The following SQSTM1 variants were observed in gnomAD, a reference collection of about 807,000 sequenced individuals.
SQSTM1 encodes the protein sequestosome 1.
In SQSTM1, 36 loss-of-function variants were observed where a neutral mutation model predicts 45.1. The ratio of observed to expected loss-of-function variants is 0.80; its 90% CI spans 0.61 to 1.05. The LOEUF (loss-of-function observed/expected upper bound fraction) is 1.05, where lower values mean the gene tolerates loss of function less well. Among genes scored for constraint, SQSTM1 ranks in the 50% least tolerant of loss-of-function variants. The probability of loss-of-function intolerance (pLI) is 0.00; values close to 1 mark genes in which losing one functional copy is unlikely to be tolerated. For missense variants in SQSTM1, 617 were observed against 607.1 expected (o/e 1.02, Z -0.17); for synonymous variants, 290 against 244.3 (o/e 1.19, Z -1.74).
rs1060271 is a variant in SQSTM1 at position 179,837,132 on chromosome 5, T to G, written c.*539T>G. 39,860 of 1,229,780 alleles carry G rather than the reference T, an allele frequency of 0.032. 838 individuals carry two copies. Among genetic ancestry groups the G allele is most frequent in the African/African-American group, 0.082 (5,470 of 67,084 alleles). 76.2% of individuals were successfully genotyped at this position (1,229,780 alleles called of 1,614,324 possible). ...GGTTTCACTGAGAGCTGCCTCCTGGTCTCTTCACCACTGTAGTTCTCTCAT... is the reference window on the plus strand; with the variant it reads ...GGTTTCACTGAGAGCTGCCTCCTGGGCTCTTCACCACTGTAGTTCTCTCAT... On this transcript the variant is annotated 3_prime_UTR_variant, in exon 8 of 8. Coordinates refer to ENST00000389805, the MANE Select transcript of SQSTM1 (RefSeq NM_003900.5).
chr5:179,836,344 T>C (rs1479992469), intron 7 of SQSTM1, 92 bp from the exon 8 acceptor site: 1 of 1,573,770 alleles, frequency 6.4e-7, no homozygotes, highest in Non-Finnish European at 8.7e-7. Context: ...TGGCAGACCC[T>C]GGTCCTGGCT....
At chr5:179,809,963 T>C (rs922027315) in intron 1 of SQSTM1, among the ~76,000 whole-genome samples, 1 of 151,946 alleles carries the variant, frequency 6.6e-6, no homozygotes, top group African/African-American at 2.4e-5. Flanking sequence ...TTTGTATTTT[T>C]AGTAGAGATG....
upstream of SQSTM1, among the ~76,000 whole-genome samples, chr5:179,815,708 G>A (rs913575477): frequency 4.6e-5 from 7 of 152,170 alleles, no homozygotes; most frequent in South Asian, 8.3e-4. Flanking sequence ...GGTTGGCCAA[G>A]CTTTGGCCAT....
intron 7 of SQSTM1, chr5:179,835,055 G>A (rs556167770): frequency 6.6e-5 from 14 of 213,302 alleles, no homozygotes; most frequent in East Asian, 3.5e-4. Context: ...CAGACGGGGC[G>A]GCCGGGCAGA....
At chr5:179,826,869 C>G (rs943314591) in intron 5 of SQSTM1, among the ~76,000 whole-genome samples, 2 of 152,080 alleles carry the variant, frequency 1.3e-5, no homozygotes, top group African/African-American at 2.4e-5. Flanking sequence ...GTGTGAGCCA[C>G]CGAGCCCGGC....
At chr5:179,809,367 C>G (rs1422239776) in intron 1 of SQSTM1, among the ~76,000 whole-genome samples, 2 of 102,914 alleles carry the variant, frequency 1.9e-5, no homozygotes, top group Non-Finnish European at 3.6e-5. Context: ...GACAGAGTCT[C>G]GCTATGTCGC....
At chr5:179,832,898 C>CCAGA in intron 5 of SQSTM1, 134 bp from the exon 6 acceptor site, 2 of 901,854 alleles carry the variant, frequency 2.2e-6, no homozygotes. Flanking sequence ...GTGCCACCAT[C>CCAGA]CAGACACTTA....
intron 5 of SQSTM1, 141 bp from the exon 6 acceptor site, chr5:179,832,891 C>A: frequency 1.2e-6 from 1 of 839,184 alleles, no homozygotes; most frequent in Non-Finnish European, 2.0e-6. Flanking sequence ...ACGCTGAGTG[C>A]CACCATCCAG....
chr5:179,817,489 G>A (rs942854482), upstream of SQSTM1, among the ~76,000 whole-genome samples: 3 of 152,226 alleles, frequency 2.0e-5, no homozygotes, highest in African/African-American at 7.2e-5. Flanking sequence ...GGAGAAATTC[G>A]CCCAGCCCAG....
intron 2 of SQSTM1, 189 bp from the exon 3 acceptor site, chr5:179,823,668 AG>A: frequency 1.6e-6 from 1 of 621,114 alleles, no homozygotes; most frequent in Admixed American, 2.9e-5. Context: ...AAACAGACAC[AG>A]GGACTGGGAA....
Position 179,837,192 on chromosome 5 carries a change from C to T in SQSTM1, c.*599C>T. On this transcript the variant is annotated 3_prime_UTR_variant, in exon 8 of 8. Transcript: ENST00000389805. ...ATCAGCTGCTTTTAAAATAAGATCT[C>T]TTTGTAGCCATCCTGTTAAATTTGT... 5 of 1,545,048 alleles carry T rather than the reference C, an allele frequency of 3.2e-6. No individual in the cohort carries two copies. The highest frequency in any genetic ancestry group is 3.5e-6 in the Non-Finnish European group (4 of 1,147,720).
intron 5 of SQSTM1, among the ~76,000 whole-genome samples, chr5:179,830,522 C>G (rs1758165827): frequency 1.3e-5 from 2 of 151,924 alleles, no homozygotes; most frequent in African/African-American, 4.8e-5. Flanking sequence ...GCTGGGACTA[C>G]AGGCATGTGC....
upstream of SQSTM1, chr5:179,820,183 CTGCTGAATTG>C (rs1757720879): frequency 6.6e-6 from 1 of 152,418 alleles, no homozygotes; most frequent in Admixed American, 6.5e-5. Context: ...TGGGCATTAC[CTGCTGAATTG>C]AGGAGCCCAT....
chr5:179,827,089 G>T (rs568260778), intron 5 of SQSTM1, among the ~76,000 whole-genome samples: 1 of 152,294 alleles, frequency 6.6e-6, no homozygotes, highest in South Asian at 2.1e-4. Flanking sequence ...CCAAGTCTAG[G>T]TTCAGGTAGA....
Position 179,824,252 on chromosome 5 carries a change from G to T in SQSTM1, c.602G>T (p.Gly201Val). The part of the protein sequence containing the change: ...GHFGWPGWEM[G>V]PPGNWSPRPP... Reference sequence around the variant, plus strand: ...TTCGGGTGGCCAGGATGGGAAATGGGTCCACCAGGAAACTGGAGCCCACGT... The same window carrying T: ...TTCGGGTGGCCAGGATGGGAAATGGTTCCACCAGGAAACTGGAGCCCACGT... The change falls in exon 4 of 8, where the codon GGT becomes GTT. Residue 201 changes from glycine (G) to valine (V), a missense_variant. By Grantham distance (109) the Gly-to-Val change is moderately radical. Coordinates refer to ENST00000389805, the MANE Select transcript of SQSTM1 (RefSeq NM_003900.5). The T allele has an allele frequency of 6.2e-7, 1 of 1,613,862 alleles. No individual in the cohort carries two copies. Among genetic ancestry groups the T allele is most frequent in the Non-Finnish European group, 8.5e-7 (1 of 1,180,046 alleles).
chr5:179,820,773 G>A (rs1046377197), upstream of SQSTM1: 13 of 576,772 alleles, frequency 2.3e-5, no homozygotes, highest in Admixed American at 2.9e-4. Flanking sequence ...TAGTGAAGGG[G>A]CCTCTGCAGG....
In SQSTM1 at chr5:179,837,696, C is replaced by G; in HGVS notation, c.*1103C>G. On this transcript the variant is annotated 3_prime_UTR_variant, in exon 8 of 8. Coordinates refer to ENST00000389805, the MANE Select transcript of SQSTM1 (RefSeq NM_003900.5). Reference sequence around the variant, plus strand: ...TGAAGAGACCTTGGCTGCTCACTGTCCACATGTGAACTTTTTCTAGGTGGC... The same window carrying G: ...TGAAGAGACCTTGGCTGCTCACTGTGCACATGTGAACTTTTTCTAGGTGGC... 1 of 1,614,254 alleles carries G rather than the reference C, an allele frequency of 6.2e-7. No homozygotes were observed. Among genetic ancestry groups the G allele is most frequent in the South Asian group, 1.1e-5 (1 of 91,088 alleles).
rs892975687 is a variant in SQSTM1 at position 179,837,190 on chromosome 5, C to A, written c.*597C>A. On this transcript the variant is annotated 3_prime_UTR_variant, in exon 8 of 8. Transcript: ENST00000389805. ...CCATCAGCTGCTTTTAAAATAAGAT[C>A]TCTTTGTAGCCATCCTGTTAAATTT... 2.6e-6 allele frequency: 4 copies of A among 1,539,114 alleles called. No homozygotes were observed. Among genetic ancestry groups the A allele is most frequent in the African/African-American group, 2.7e-5 (2 of 73,428 alleles).
In SQSTM1 at chr5:179,837,665, T is replaced by TC. The variant is rs779431270; in HGVS notation, c.*1075dup. The TC allele has an allele frequency of 9.3e-6, 15 of 1,614,058 alleles. No individual in the cohort carries two copies. The highest frequency in any genetic ancestry group is 4.0e-5 in the African/African-American group (3 of 74,926). On this transcript the variant is annotated 3_prime_UTR_variant, in exon 8 of 8. Transcript: ENST00000389805. ...CTGTGCTGGACCAGCTGGCCTGGGG[T>TC]CCCTCTGAAGAGACCTTGGCTGCTC...
Sources: gnomAD v4.1 joint callset for allele counts (sites outside exome capture counted in the v4.1 genomes callset) on GRCh38, gnomAD v4.1.1 for gene constraint, MANE v1.5 for transcripts, NCBI Gene and HGNC (gene_info 2026-07-23, HGNC 2026-07-21) for gene names.